The following MARCHF4 variants were observed in gnomAD, a reference collection of about 807,000 sequenced individuals.
The protein encoded by MARCHF4 is membrane associated ring-CH-type finger 4.
A neutral mutation model predicts 43.9 loss-of-function variants in MARCHF4; 14 were observed. The observed-to-expected ratio is 0.32, with a 90% CI of 0.21 to 0.50. The LOEUF (loss-of-function observed/expected upper bound fraction) is 0.50, where lower values mean the gene tolerates loss of function less well. Among genes scored for constraint, MARCHF4 ranks in the 20% least tolerant of loss-of-function variants. The pLI is 0.98. For synonymous variants in MARCHF4, 226 were observed against 213.3 expected (o/e 1.06, Z -0.52); for missense variants, 468 against 536.7 (o/e 0.87, Z 1.27).
At chr2:216,301,838 A>C (rs1268982706) in intron 1 of MARCHF4, among the ~76,000 whole-genome samples, 1 of 152,246 alleles carries the variant, frequency 6.6e-6, no homozygotes, top group African/African-American at 2.4e-5. Flanking sequence ...TGAGGGCAAC[A>C]GTATTGCTGA....
At chr2:216,338,798 G>T (rs1692195108) in intron 1 of MARCHF4, among the ~76,000 whole-genome samples, 1 of 152,178 alleles carries the variant, frequency 6.6e-6, no homozygotes, top group Non-Finnish European at 1.5e-5. Context: ...AGTCTTCAAA[G>T]ATGGTAGCCC....
At chr2:216,260,744 C>T (rs779828335) in intron 3 of MARCHF4, among the ~76,000 whole-genome samples, 4 of 152,110 alleles carry the variant, frequency 2.6e-5, no homozygotes, top group Non-Finnish European at 1.5e-5. Flanking sequence ...AAGCTATTGA[C>T]GGTTTCAGTA....
chr2:216,343,950 G>A (rs1692272695), intron 1 of MARCHF4, among the ~76,000 whole-genome samples: 1 of 152,204 alleles, frequency 6.6e-6, no homozygotes. Flanking sequence ...GGAGATCTCA[G>A]AGTGGGACCT....
At chr2:216,264,411 C>T (rs575385295) in intron 3 of MARCHF4, among the ~76,000 whole-genome samples, 49 of 152,364 alleles carry the variant, frequency 3.2e-4, no homozygotes, top group Admixed American at 2.0e-3. Flanking sequence ...TCACCCTCTC[C>T]CAGTTGTACC....
intron 3 of MARCHF4, among the ~76,000 whole-genome samples, chr2:216,264,013 G>A (rs572755235): frequency 2.4e-4 from 37 of 152,182 alleles, no homozygotes; most frequent in African/African-American, 7.2e-4. Flanking sequence ...GGGAGCAGCC[G>A]GCTTGGAGCA....
intron 1 of MARCHF4, among the ~76,000 whole-genome samples, chr2:216,294,481 C>G (rs1190927698): frequency 2.6e-5 from 4 of 152,236 alleles, no homozygotes; most frequent in Admixed American, 1.3e-4. Context: ...CACTTAGAAA[C>G]ACTTCTGTGT....
At chr2:216,305,739 G>T (rs1413900283) in intron 1 of MARCHF4, among the ~76,000 whole-genome samples, 3 of 152,224 alleles carry the variant, frequency 2.0e-5, no homozygotes, top group East Asian at 3.9e-4. Context: ...TTTTATCACA[G>T]GCCCATATGG....
chr2:216,316,585 T>C (rs570492318), intron 1 of MARCHF4, among the ~76,000 whole-genome samples: 1 of 151,844 alleles, frequency 6.6e-6, no homozygotes, highest in Admixed American at 6.6e-5. Flanking sequence ...GGGGACAGGG[T>C]CAGAAGAACT....
Position 216,261,594 on chromosome 2 carries a change from T to C in MARCHF4, c.866-1915A>G, listed in dbSNP as rs560669394. ...CATGATTCAAGCCTATCAGAGTGAT[T>C]ACTAGCTACATTTTGGTCATGGTTA... On this transcript the variant is annotated intron_variant, in intron 3 of 3. Transcript: ENST00000273067. 2.0e-5 allele frequency among the ~76,000 whole-genome samples: 3 copies of C among 152,340 alleles called. No homozygotes were observed. The South Asian group carries it at 6.2e-4, about 32-fold the overall frequency.
chr2:216,269,243 T>C (rs1453024846), intron 3 of MARCHF4, among the ~76,000 whole-genome samples: 1 of 152,164 alleles, frequency 6.6e-6, no homozygotes, highest in Non-Finnish European at 1.5e-5. Flanking sequence ...GTTAAAAAAA[T>C]GTTTTTTTGG....
chr2:216,292,557 A>T (rs1409807054), intron 1 of MARCHF4, among the ~76,000 whole-genome samples: 1 of 152,212 alleles, frequency 6.6e-6, no homozygotes, highest in Non-Finnish European at 1.5e-5. Flanking sequence ...CATCTCTATG[A>T]TGATAGACTT....
intron 1 of MARCHF4, among the ~76,000 whole-genome samples, chr2:216,358,716 A>G (rs898287353): frequency 3.3e-5 from 5 of 152,152 alleles, no homozygotes; most frequent in East Asian, 3.9e-4. Flanking sequence ...GAACTCACCC[A>G]TCTCTGGAAA....
chr2:216,286,101 A>T (rs2105942207), intron 1 of MARCHF4, among the ~76,000 whole-genome samples: 1 of 152,314 alleles, frequency 6.6e-6, no homozygotes, highest in East Asian at 1.9e-4. Context: ...GAGGAGCGTG[A>T]CCTGGCCTAA....
At position 216,369,945 on chromosome 2, in the gene MARCHF4, G is replaced by T; in HGVS notation, c.316C>A (p.Pro106Thr). The T allele has an allele frequency of 6.3e-7, 1 of 1,598,160 alleles. No homozygotes were observed. The highest frequency in any genetic ancestry group is 8.5e-7 in the Non-Finnish European group (1 of 1,171,404). The part of the protein sequence containing the change: ...VVGREPPPVP[P>T]PPPLPPSSVE... ...GAAGAAGGTGGCAAGGGGGGTGGAG[G>T]TGGCACAGGAGGGGGCTCCCTGCCC... The change falls in exon 1 of 4, where the codon CCT (proline) becomes ACT (threonine). Residue 106 changes from proline (P) to threonine (T), a missense_variant. Pro to Thr is a conservative substitution (Grantham distance 38). Around this residue, in one of 3 missense-constraint regions of MARCHF4, gnomAD observed 190 missense variants for 158.5 expected, o/e 1.20. Transcript: ENST00000273067.
At chr2:216,282,420 G>T (rs1034474111) in intron 2 of MARCHF4, among the ~76,000 whole-genome samples, 1 of 151,804 alleles carries the variant, frequency 6.6e-6, no homozygotes, top group African/African-American at 2.4e-5. Flanking sequence ...AGACCCCACC[G>T]CCACCATCCC....
At chr2:216,342,336 T>G (rs1333293317) in intron 1 of MARCHF4, among the ~76,000 whole-genome samples, 1 of 152,110 alleles carries the variant, frequency 6.6e-6, no homozygotes, top group South Asian at 2.1e-4. Context: ...TATGGGGTGA[T>G]GGGAGCCAAC....
rs775072637 is a variant in MARCHF4, at chr2:216,370,078, G to A, written c.183C>T (p.Pro61=). ...VFLLRRPPQA[P]LPMHGDPQPP... ...GCTGGGGGTCGCCGTGCATGGGCAG[G>A]GGCGCTTGAGGAGGGCGCCGCAGTA... is the stretch of plus-strand genomic sequence containing the variant. Residue 61 remains proline (P), a synonymous_variant, in exon 1 of 4, where the codon CCC becomes CCT. Coordinates refer to ENST00000273067, the MANE Select transcript of MARCHF4 (RefSeq NM_020814.3). 2.5e-6 allele frequency: 4 copies of A among 1,576,726 alleles called. No homozygotes were observed. The African/African-American group carries it at 4.0e-5, about 16-fold the overall frequency.
chr2:216,294,676 A>T (rs1240151609), intron 1 of MARCHF4, among the ~76,000 whole-genome samples: 1 of 152,178 alleles, frequency 6.6e-6, no homozygotes, highest in Non-Finnish European at 1.5e-5. Context: ...CTCAGGCTTC[A>T]CTCCAGAGAT....
intron 2 of MARCHF4, among the ~76,000 whole-genome samples, chr2:216,281,218 G>T (rs1691122591): frequency 6.6e-6 from 1 of 151,834 alleles, no homozygotes; most frequent in Admixed American, 6.6e-5. Flanking sequence ...ACAGTCATGG[G>T]CTACTACTCC....
Sources: allele counts gnomAD v4.1 joint callset (sites outside exome capture counted in the v4.1 genomes callset), GRCh38; gene constraint gnomAD v4.1.1; regional missense constraint gnomAD v4.1.1; transcripts MANE v1.5; gene names NCBI Gene and HGNC (gene_info 2026-07-23, HGNC 2026-07-21).